The following SNAP47 variants were observed in gnomAD, a reference collection of about 807,000 sequenced individuals.
The protein encoded by SNAP47 is synaptosomal-associated protein 47.
In SNAP47, 20 loss-of-function variants were observed where a neutral mutation model predicts 31.4. The ratio of observed to expected loss-of-function variants is 0.64; its 90% confidence interval spans 0.45 to 0.93. The LOEUF (loss-of-function observed/expected upper bound fraction) is 0.93. Ranked by LOEUF, SNAP47 falls within the 40% of genes least tolerant of loss-of-function variation. The pLI, the probability that SNAP47 is intolerant of heterozygous loss-of-function variation, is 0.00. For synonymous variants in SNAP47, 194 were observed against 213.4 expected (o/e 0.91, Z 0.79); for missense variants, 492 against 528.5 (o/e 0.93, Z 0.68).
At chr1:227,756,129 G>A (rs1052132385) in intron 2 of SNAP47, among the ~76,000 whole-genome samples, 1 of 152,200 alleles carries the variant, frequency 6.6e-6, no homozygotes, top group African/African-American at 2.4e-5. Context: ...CACTGGTCAT[G>A]GTCCTCACAT....
At chr1:227,768,195 A>G (rs1663560722) in intron 4 of SNAP47, 2 of 780,864 alleles carry the variant, frequency 2.6e-6, no homozygotes, top group South Asian at 5.8e-5. Context: ...CCCACAGGGT[A>G]TGTGGCGCAC....
At chr1:227,733,264 A>G, upstream of SNAP47, 1 of 917,312 alleles carries the variant, frequency 1.1e-6, no homozygotes, top group Non-Finnish European at 1.6e-6. Flanking sequence ...AACAGAGGCT[A>G]GGCCTCAGCG....
chr1:227,734,185 G>T, upstream of SNAP47: 1 of 836,622 alleles, frequency 1.2e-6, no homozygotes, highest in Non-Finnish European at 1.8e-6. Context: ...TGAGCCAGAC[G>T]CTGCTGGCGG....
intron 4 of SNAP47, among the ~76,000 whole-genome samples, chr1:227,773,666 G>A (rs566305767): frequency 1.4e-4 from 22 of 152,286 alleles, no homozygotes; most frequent in Admixed American, 1.1e-3. Context: ...GCACATTTAC[G>A]GCACCTTCTC....
chr1:227,766,305 C>G (rs544820492), intron 3 of SNAP47, among the ~76,000 whole-genome samples: 1 of 152,342 alleles, frequency 6.6e-6, no homozygotes, highest in South Asian at 2.1e-4. Context: ...GCGCCCTTAT[C>G]TGGGCCCCGG....
intron 2 of SNAP47, among the ~76,000 whole-genome samples, chr1:227,753,760 GCACTGAAGCCAGC>G (rs1038365390): frequency 5.3e-5 from 8 of 151,952 alleles, no homozygotes; most frequent in African/African-American, 1.9e-4. Flanking sequence ...ATTCAACAGG[GCACTGAAGCCAGC>G]CACTGAAGCC....
Position 227,767,531 on chromosome 1 carries a change from G to A in SNAP47, c.1113+448G>A, listed in dbSNP as rs1021908293. On this transcript the variant is annotated intron_variant, in intron 4 of 4. Coordinates refer to ENST00000617596, the MANE Select transcript of SNAP47 (RefSeq NM_053052.4). ...ACTGTGTATGTGCATGTGCATGTGT[G>A]TGTACTTGTGAGTACATGTGTGTGT... Among the ~76,000 whole-genome samples, 5 of 152,318 alleles carry A rather than the reference G, an allele frequency of 3.3e-5. 1 individual carries two copies. Among genetic ancestry groups the A allele is most frequent in the East Asian group, 1.9e-4 (1 of 5,194 alleles).
intron 2 of SNAP47, among the ~76,000 whole-genome samples, chr1:227,756,745 C>A (rs1205721582): frequency 6.6e-6 from 1 of 152,250 alleles, no homozygotes; most frequent in Admixed American, 6.5e-5. Flanking sequence ...GATTGCACCT[C>A]CCATGGCGTG....
At chr1:227,735,181 G>A (rs750265033), upstream of SNAP47, 10 of 1,580,762 alleles carry the variant, frequency 6.3e-6, no homozygotes, top group African/African-American at 6.8e-5. Flanking sequence ...CCGAGACGAA[G>A]GCTACCCGGC....
chr1:227,758,008 A>G (rs753957902), intron 2 of SNAP47, among the ~76,000 whole-genome samples: 9 of 152,178 alleles, frequency 5.9e-5, no homozygotes, highest in Non-Finnish European at 1.0e-4. Context: ...AAAGAAACAA[A>G]TGAGCTCAGG....
At chr1:227,758,880 A>C in intron 2 of SNAP47, 115 bp from the exon 3 acceptor site, 1 of 1,285,288 alleles carries the variant, frequency 7.8e-7, no homozygotes, top group Non-Finnish European at 1.0e-6. Flanking sequence ...GTGGAAATGA[A>C]GTAGAGTAAA....
intron 1 of SNAP47, among the ~76,000 whole-genome samples, chr1:227,737,854 T>G (rs1475081259): frequency 6.6e-6 from 1 of 152,292 alleles, no homozygotes; most frequent in Non-Finnish European, 1.5e-5. Flanking sequence ...CCCTTCCTAG[T>G]CAGCCCTATT....
intron 1 of SNAP47, among the ~76,000 whole-genome samples, chr1:227,743,560 G>A (rs903970886): frequency 6.6e-6 from 1 of 152,204 alleles, no homozygotes; most frequent in Admixed American, 6.5e-5. Context: ...TCACCTTCCC[G>A]GCAGTCCCAG....
chr1:227,764,871 T>A (rs547192815), intron 3 of SNAP47, among the ~76,000 whole-genome samples: 3 of 152,018 alleles, frequency 2.0e-5, no homozygotes, highest in Non-Finnish European at 4.4e-5. Flanking sequence ...ACCACTGCAC[T>A]CCAGCCTGGG....
rs1165907271 is a variant in SNAP47 at position 227,768,255 on chromosome 1, C to A, written c.1113+1172C>A. 7.1e-6 allele frequency: 7 copies of A among 985,218 alleles called. 1 individual carries two copies. The African/African-American group carries it at 1.0e-4, about 15-fold the overall frequency. 61.0% of individuals were successfully genotyped at this position (985,218 alleles called of 1,614,324 possible). Reference sequence around the variant, plus strand: ...GTCTCGTCTTCCCCTACAGTTGATTCCTGGAAAAAGCAAAGCTGTCTGTTG... The same window carrying A: ...GTCTCGTCTTCCCCTACAGTTGATTACTGGAAAAAGCAAAGCTGTCTGTTG... On this transcript the variant is annotated intron_variant, in intron 4 of 4. Transcript: ENST00000617596.
At chr1:227,735,623 G>T in intron 1 of SNAP47, 124 bp downstream of exon 1, 1 of 1,324,242 alleles carries the variant, frequency 7.6e-7, no homozygotes, top group Middle Eastern at 2.8e-4. Context: ...CCCGGGGGGT[G>T]GGGGGTATGC....
chr1:227,734,017 C>T, upstream of SNAP47: 2 of 1,613,476 alleles, frequency 1.2e-6, no homozygotes, highest in East Asian at 2.2e-5. Context: ...TGAAAACGTC[C>T]TCCACCGGAA....
At chr1:227,765,871 G>A (rs1663361539) in intron 3 of SNAP47, among the ~76,000 whole-genome samples, 1 of 152,170 alleles carries the variant, frequency 6.6e-6, no homozygotes, top group South Asian at 2.1e-4. Flanking sequence ...GGGTGAGCTT[G>A]TCAGGATCAT....
chr1:227,766,331 G>A (rs909263520), intron 3 of SNAP47, among the ~76,000 whole-genome samples: 1 of 152,258 alleles, frequency 6.6e-6, no homozygotes, highest in Non-Finnish European at 1.5e-5. Flanking sequence ...CAAGGCTGCT[G>A]TTGAAGCTGC....
Sources: gnomAD v4.1 joint callset for allele counts (sites outside exome capture counted in the v4.1 genomes callset) on GRCh38, gnomAD v4.1.1 for gene constraint, MANE v1.5 for transcripts, NCBI Gene and HGNC (gene_info 2026-07-23, HGNC 2026-07-21) for gene names.